The following JPH3 variants were observed in gnomAD, a reference collection of about 807,000 sequenced individuals.
JPH3 encodes the protein junctophilin 3.
JPH3 carries 11 observed loss-of-function variants against 59.6 expected under a neutral mutation model. The ratio of observed to expected loss-of-function variants is 0.18; its 90% CI spans 0.12 to 0.31. The LOEUF (loss-of-function observed/expected upper bound fraction) is 0.31. Ranked by LOEUF, JPH3 falls within the 10% of genes least tolerant of loss-of-function variation. The pLI is 1.00. For missense variants in JPH3, 1,202 were observed against 1,105.7 expected, an observed-to-expected ratio of 1.09 and a Z score of -1.24; for synonymous variants, 673 against 483.6, an observed-to-expected ratio of 1.39 and a Z score of -5.14.
Position 87,609,529 on chromosome 16 carries a change from G to T in JPH3, c.382+6001G>T, listed in dbSNP as rs147781158. The stretch of plus-strand genomic sequence containing the variant: ...TCTGCGTGCCTCGGCCTCCCAAAGT[G>T]TTGGGATTACAGGTGTGAGCCACTG... On this transcript the variant is annotated intron_variant, in intron 1 of 4. Coordinates refer to ENST00000284262, the MANE Select transcript of JPH3 (RefSeq NM_020655.4). 4.4e-3 allele frequency among the ~76,000 whole-genome samples: 664 copies of T among 152,310 alleles called. 6 individuals are homozygous for T. The highest frequency in any genetic ancestry group is 0.015 in the African/African-American group (629 of 41,568).
At chr16:87,615,374 C>T (rs139539109) in intron 1 of JPH3, among the ~76,000 whole-genome samples, 30 of 152,340 alleles carry the variant, frequency 2.0e-4, no homozygotes, top group African/African-American at 7.0e-4. Context: ...GGTCAGCATC[C>T]AGGCAACATG....
rs1362136229 is a variant in JPH3 at position 87,659,374 on chromosome 16, C to CGGAAAAAAAAAAAAAAAAAAAAA, written c.1160+14339_1160+14340insGGAAAAAAAAAAAAAAAAAAAAA. Among the ~76,000 whole-genome samples the CGGAAAAAAAAAAAAAAAAAAAAA allele has an allele frequency of 4.0e-5, 3 of 74,556 alleles. 1 individual carries two copies. The allele number at this position is 74,556 out of a possible 152,430, so 48.9% of individuals were successfully genotyped here. Reference sequence around the variant, plus strand: ...CCTGGGTGACAGAGTAAGACTGTCTCAAAAAAAAAAAAGAAAAAAAAAAAG... The same window carrying CGGAAAAAAAAAAAAAAAAAAAAA: ...CCTGGGTGACAGAGTAAGACTGTCTCGGAAAAAAAAAAAAAAAAAAAAAAAAAAAAAAAAAGAAAAAAAAAAAG... On this transcript the variant is annotated intron_variant, in intron 2 of 4. Coordinates refer to ENST00000284262, the MANE Select transcript of JPH3 (RefSeq NM_020655.4).
At chr16:87,640,986 C>T (rs2031930257) in intron 1 of JPH3, among the ~76,000 whole-genome samples, 1 of 152,230 alleles carries the variant, frequency 6.6e-6, no homozygotes, top group African/African-American at 2.4e-5. Flanking sequence ...CCAGTTTCCT[C>T]CTCACAACCC....
rs750553511 is a variant in JPH3, at chr16:87,696,630, C to T, written c.2217C>T (p.Val739=). 6.8e-6 allele frequency: 11 copies of T among 1,613,472 alleles called. No individual in the cohort carries two copies. The highest frequency in any genetic ancestry group is 3.3e-5 in the South Asian group (3 of 91,068). The change falls in exon 5 of 5, where the codon GTC becomes GTT. Residue 739 remains valine, a synonymous_variant. Transcript: ENST00000284262. ...VVMVILLNIG[V]AILFINFFI is the part of the protein sequence containing the mutation. ...TGGTGATCTTGCTCAACATCGGAGT[C>T]GCCATTCTGTTTATTAACTTTTTCA...
Position 87,690,773 on chromosome 16 carries a change from C to G in JPH3, c.2166+247C>G, listed in dbSNP as rs557342662. Among the ~76,000 whole-genome samples, 34 of 151,818 alleles carry G rather than the reference C, an allele frequency of 2.2e-4. No individual in the cohort carries two copies. In the South Asian group the frequency reaches 7.1e-3, roughly 32 times the overall value. On this transcript the variant is annotated intron_variant, in intron 4 of 4. Coordinates refer to ENST00000284262, the MANE Select transcript of JPH3 (RefSeq NM_020655.4). The stretch of plus-strand genomic sequence containing the variant: ...GCCCCCAGGTTGTCCAGAAAGCACA[C>G]GAAACTCCTGGTTTCCAGGCAGCAT...
chr16:87,660,028 G>C (rs1222769664), intron 2 of JPH3, among the ~76,000 whole-genome samples: 2 of 152,074 alleles, frequency 1.3e-5, no homozygotes. Flanking sequence ...TCCTAGTGTG[G>C]AGGTCGGGGG....
intron 1 of JPH3, chr16:87,604,979 C>T: frequency 2.2e-6 from 1 of 449,326 alleles, no homozygotes. Context: ...GGCTGTGGGC[C>T]TGTGTGTGTG....
chr16:87,626,384 G>A (rs1211377869), intron 1 of JPH3, among the ~76,000 whole-genome samples: 4 of 152,200 alleles, frequency 2.6e-5, no homozygotes, highest in Admixed American at 6.5e-5. Context: ...CTCTCCGACC[G>A]CGAGTCCTCC....
chr16:87,685,592 G>A (rs150378138), intron 3 of JPH3, among the ~76,000 whole-genome samples: 5 of 152,396 alleles, frequency 3.3e-5, no homozygotes, highest in African/African-American at 7.2e-5. Context: ...CGGGATGGAC[G>A]AACGGAACAG....
At chr16:87,680,852 G>A (rs1012988519) in intron 2 of JPH3, among the ~76,000 whole-genome samples, 4 of 152,310 alleles carry the variant, frequency 2.6e-5, no homozygotes, top group East Asian at 3.9e-4. Context: ...ACGTGTGAAC[G>A]TATATATGTA....
chr16:87,609,724 A>C (rs533505638), intron 1 of JPH3, among the ~76,000 whole-genome samples: 1 of 152,230 alleles, frequency 6.6e-6, no homozygotes, highest in East Asian at 1.9e-4. Context: ...AGTCAGTGAA[A>C]CTGTTTCACC....
At chr16:87,641,812 G>A (rs531415399) in intron 1 of JPH3, among the ~76,000 whole-genome samples, 2 of 152,380 alleles carry the variant, frequency 1.3e-5, no homozygotes, top group African/African-American at 4.8e-5. Context: ...TGCCACATGG[G>A]GCGTGAGGGG....
intron 1 of JPH3, among the ~76,000 whole-genome samples, chr16:87,641,432 G>A (rs1023011488): frequency 3.3e-5 from 5 of 152,198 alleles, no homozygotes; most frequent in Admixed American, 2.0e-4. Context: ...AGCTTTGGGG[G>A]TACAGAATGA....
intron 1 of JPH3, among the ~76,000 whole-genome samples, chr16:87,636,451 G>T (rs184259095): frequency 2.0e-5 from 3 of 152,204 alleles, no homozygotes; most frequent in Non-Finnish European, 2.9e-5. Flanking sequence ...AGTGGCTGTC[G>T]CTTTATTGAG....
At chr16:87,631,626 A>G (rs1597247446) in intron 1 of JPH3, among the ~76,000 whole-genome samples, 1 of 152,074 alleles carries the variant, frequency 6.6e-6, no homozygotes, top group South Asian at 2.1e-4. Flanking sequence ...GGACGCTCAC[A>G]CCCTTCCATT....
chr16:87,659,374 C>CGGAAAAAAA (rs1362136229), intron 2 of JPH3, among the ~76,000 whole-genome samples: 1 of 74,556 alleles, frequency 1.3e-5, no homozygotes, highest in Non-Finnish European at 2.5e-5. Context: ...AAGACTGTCT[C>CGGAAAAAAA]AAAAAAAAAA....
At chr16:87,664,273 G>C (rs977523172) in intron 2 of JPH3, among the ~76,000 whole-genome samples, 1 of 148,248 alleles carries the variant, frequency 6.7e-6, no homozygotes, top group African/African-American at 2.5e-5. Context: ...GGAGCTTGCA[G>C]TGAGCCGAGA....
At chr16:87,669,887 G>A (rs945007782) in intron 2 of JPH3, among the ~76,000 whole-genome samples, 15 of 152,222 alleles carry the variant, frequency 9.9e-5, no homozygotes, top group Non-Finnish European at 1.6e-4. Flanking sequence ...TGCAGCAGCC[G>A]GCCGGCCTCT....
At chr16:87,696,459 C>G in intron 4 of JPH3, 121 bp from the exon 5 acceptor site, 1 of 795,102 alleles carries the variant, frequency 1.3e-6, no homozygotes, top group Non-Finnish European at 2.2e-6. Flanking sequence ...CTAACATCCT[C>G]CCGTACGCTT....
Sources: allele counts gnomAD v4.1 joint callset (sites outside exome capture counted in the v4.1 genomes callset), GRCh38; gene constraint gnomAD v4.1.1; transcripts MANE v1.5; gene names NCBI Gene and HGNC (gene_info 2026-07-23, HGNC 2026-07-21).